SOX5: variants seen among roughly 807,000 people sequenced by gnomAD.
SOX5 encodes the protein transcription factor SOX-5.
In SOX5, 9 loss-of-function variants were observed where a neutral mutation model predicts 92.0. That is an observed-to-expected ratio of 0.10 (90% CI 0.06 to 0.17). The LOEUF (loss-of-function observed/expected upper bound fraction) is 0.17, where lower values mean the gene tolerates loss of function less well. Among genes scored for constraint, SOX5 ranks in the 10% least tolerant of loss-of-function variants. The pLI, the probability that SOX5 is intolerant of heterozygous loss-of-function variation, is 1.00. For missense variants in SOX5, 642 were observed against 944.5 expected (o/e 0.68, Z 4.20); for synonymous variants, 344 against 336.3 (o/e 1.02, Z -0.25).
intron 1 of SOX5, among the ~76,000 whole-genome samples, chr12:24,457,663 C>T (rs1943167411): frequency 6.6e-6 from 1 of 151,540 alleles, no homozygotes; most frequent in African/African-American, 2.4e-5. Context: ...AAAGAATTTC[C>T]CAATATCAGA....
rs1394569254 is a variant in SOX5, at chr12:24,095,118, CACACACACACAGAG to C, written c.-2+118211_-2+118224del. Among the ~76,000 whole-genome samples, 89 of 82,722 alleles carry C rather than the reference CACACACACACAGAG, an allele frequency of 1.1e-3. No homozygotes were observed. In the South Asian group the frequency reaches 0.015, roughly 14 times the overall value. 54.3% of individuals were successfully genotyped at this position (82,722 alleles called of 152,430 possible). On this transcript the variant is annotated intron_variant, in intron 4 of 4. Coordinates refer to the SOX5 transcript ENST00000446891. ...ACACACACACACACACACACACACA[CACACACACACAGAG>C]AGAGAGAGAGAGAGAGAGAGAGAGA... is the stretch of plus-strand genomic sequence containing the variant.
At chr12:23,968,593 C>T (rs930210387) in intron 4 of SOX5, among the ~76,000 whole-genome samples, 3 of 152,216 alleles carry the variant, frequency 2.0e-5, no homozygotes, top group Non-Finnish European at 2.9e-5. Context: ...AGAAGGCCCT[C>T]GCCAGATGCT....
At chr12:24,012,490 T>C (rs1163896638) in intron 4 of SOX5, among the ~76,000 whole-genome samples, 1 of 152,186 alleles carries the variant, frequency 6.6e-6, no homozygotes, top group Non-Finnish European at 1.5e-5. Context: ...AACCCATAAT[T>C]CACAGTAGAT....
At chr12:24,059,958 A>G (rs1214811475) in intron 4 of SOX5, among the ~76,000 whole-genome samples, 1 of 152,222 alleles carries the variant, frequency 6.6e-6, no homozygotes, top group Non-Finnish European at 1.5e-5. Flanking sequence ...AATGTAAACA[A>G]TAATAAATTA....
intron 4 of SOX5, among the ~76,000 whole-genome samples, chr12:24,067,875 C>T (rs909782661): frequency 3.3e-5 from 5 of 152,096 alleles, no homozygotes; most frequent in African/African-American, 9.7e-5. Context: ...CCAGGTGCGG[C>T]GGCTCACGCC....
At chr12:24,300,148 A>AC (rs1349173784) in intron 2 of SOX5, among the ~76,000 whole-genome samples, 1 of 152,248 alleles carries the variant, frequency 6.6e-6, no homozygotes, top group Admixed American at 6.5e-5. Flanking sequence ...CCACAATGCT[A>AC]CGTCTTTAAT....
At chr12:23,549,993 C>T (rs1160502991) in intron 11 of SOX5, among the ~76,000 whole-genome samples, 1 of 151,978 alleles carries the variant, frequency 6.6e-6, no homozygotes, top group Non-Finnish European at 1.5e-5. Context: ...CTATTATTAA[C>T]GTATTAGTAT....
chr12:24,146,579 A>T (rs1432314353), intron 4 of SOX5, among the ~76,000 whole-genome samples: 1 of 152,100 alleles, frequency 6.6e-6, no homozygotes, highest in Admixed American at 6.6e-5. Context: ...GAAATTAAAG[A>T]GAGCAAACAA....
chr12:24,395,940 C>T (rs972442433), intron 1 of SOX5, among the ~76,000 whole-genome samples: 1 of 152,192 alleles, frequency 6.6e-6, no homozygotes, highest in African/African-American at 2.4e-5. Context: ...GGAATGCCCT[C>T]TTTATCTCTA....
intron 3 of SOX5, among the ~76,000 whole-genome samples, chr12:23,834,442 C>T (rs1370676836): frequency 6.6e-6 from 1 of 151,756 alleles, no homozygotes; most frequent in Admixed American, 6.6e-5. Context: ...ATCAGTAAGC[C>T]TCGTTTACTC....
At chr12:23,857,738 T>TC (rs1595098872) in intron 2 of SOX5, among the ~76,000 whole-genome samples, 1 of 150,318 alleles carries the variant, frequency 6.7e-6, no homozygotes, top group Non-Finnish European at 1.5e-5. Flanking sequence ...TTTCTTTCTT[T>TC]TTTTTTTTTT....
intron 3 of SOX5, among the ~76,000 whole-genome samples, chr12:24,223,753 T>C (rs926768701): frequency 6.6e-6 from 1 of 151,844 alleles, no homozygotes; most frequent in African/African-American, 2.4e-5. Flanking sequence ...AGACCCTATC[T>C]CAAACAAAAA....
chr12:23,686,047 A>G (rs1593274792), intron 6 of SOX5, among the ~76,000 whole-genome samples: 1 of 152,300 alleles, frequency 6.6e-6, no homozygotes, highest in East Asian at 1.9e-4. Context: ...TTCATTTACC[A>G]TATTGTATAA....
chr12:23,829,681 G>C (rs2135559965), intron 3 of SOX5, among the ~76,000 whole-genome samples: 1 of 152,146 alleles, frequency 6.6e-6, no homozygotes, highest in African/African-American at 2.4e-5. Flanking sequence ...GAAATGCTTG[G>C]GTAAAGAGAG....
intron 1 of SOX5, among the ~76,000 whole-genome samples, chr12:24,470,155 C>A (rs1944650126): frequency 6.6e-6 from 1 of 152,152 alleles, no homozygotes; most frequent in Non-Finnish European, 1.5e-5. Flanking sequence ...AGAAAACCAA[C>A]CCTGAGTGCC....
At chr12:24,056,657 T>G (rs990862244) in intron 4 of SOX5, among the ~76,000 whole-genome samples, 3 of 152,024 alleles carry the variant, frequency 2.0e-5, no homozygotes, top group Non-Finnish European at 4.4e-5. Flanking sequence ...CCTCTTATAC[T>G]TTACAGAAGG....
intron 11 of SOX5, among the ~76,000 whole-genome samples, chr12:23,552,789 G>C (rs1277332229): frequency 6.6e-6 from 1 of 151,900 alleles, no homozygotes; most frequent in African/African-American, 2.4e-5. Flanking sequence ...GTGGACATAC[G>C]ACTACCTGCC....
chr12:23,755,015 T>C (rs1343324519), intron 4 of SOX5, among the ~76,000 whole-genome samples: 3 of 151,788 alleles, frequency 2.0e-5, no homozygotes, highest in African/African-American at 7.2e-5. Context: ...TGAGAAAACA[T>C]ACTTTTAAAT....
intron 7 of SOX5, among the ~76,000 whole-genome samples, chr12:23,647,678 T>C (rs2081038897): frequency 6.6e-6 from 1 of 152,244 alleles, no homozygotes; most frequent in East Asian, 1.9e-4. Flanking sequence ...CTTGCACTTT[T>C]ATGTAGGTAG....
Sources: gnomAD v4.1 joint callset for allele counts (sites outside exome capture counted in the v4.1 genomes callset) on GRCh38, gnomAD v4.1.1 for gene constraint, MANE v1.5 for transcripts, NCBI Gene and HGNC (gene_info 2026-07-23, HGNC 2026-07-21) for gene names.